Variants in CADPS2 observed in about 807,000 individuals in gnomAD.
CADPS2 encodes the protein calcium-dependent secretion activator 2.
In CADPS2, 93 loss-of-function variants were observed where a neutral mutation model predicts 172.5. The observed-to-expected ratio is 0.54, with a 90% confidence interval of 0.46 to 0.64. The LOEUF (loss-of-function observed/expected upper bound fraction) is 0.64. Ranked by LOEUF, CADPS2 falls within the 30% of genes least tolerant of loss-of-function variation. The probability of loss-of-function intolerance (pLI) is 0.00; values close to 1 mark genes in which losing one functional copy is unlikely to be tolerated. For synonymous variants in CADPS2, 546 were observed against 555.2 expected (o/e 0.98, Z 0.23); for missense variants, 1,420 against 1,565.9 (o/e 0.91, Z 1.57).
At chr7:122,706,892 C>G (rs975238950) in intron 2 of CADPS2, among the ~76,000 whole-genome samples, 3 of 150,362 alleles carry the variant, frequency 2.0e-5, no homozygotes, top group African/African-American at 7.3e-5. Flanking sequence ...GTCTCTTTGG[C>G]TAGAATTGCT....
Position 122,416,137 on chromosome 7 carries a change from C to T in CADPS2, c.2504G>A (p.Arg835Lys). The T allele has an allele frequency of 6.5e-7, 1 of 1,550,144 alleles. No individual in the cohort carries two copies. Among genetic ancestry groups the T allele is most frequent in the Non-Finnish European group, 8.8e-7 (1 of 1,142,724 alleles). The change falls in exon 18 of 30, where the codon AGA (arginine) becomes AAA (lysine). Residue 835 changes from arginine to lysine, a missense_variant. By Grantham distance (26) the Arg-to-Lys change is conservative. Transcript: ENST00000449022. ...EETMNQASPA[R>K]KLEEILHLAE... ...CAGATGAAGAATCTCTTCCAGCTTT[C>T]TAGCAGGAGATGCCTGGTTCATGGT...
intron 25 of CADPS2, among the ~76,000 whole-genome samples, chr7:122,369,283 A>G (rs2041446710): frequency 6.6e-6 from 1 of 151,302 alleles, no homozygotes; most frequent in African/African-American, 2.4e-5. Flanking sequence ...TGTGCCCGCC[A>G]CCATGCCCGG....
At chr7:122,646,832 A>G (rs1410284346) in intron 3 of CADPS2, among the ~76,000 whole-genome samples, 1 of 152,156 alleles carries the variant, frequency 6.6e-6, no homozygotes, top group Non-Finnish European at 1.5e-5. Flanking sequence ...AGTAGGTAAG[A>G]GATTACTGTC....
intron 8 of CADPS2, among the ~76,000 whole-genome samples, chr7:122,548,056 T>C (rs1006946222): frequency 1.3e-5 from 2 of 152,088 alleles, no homozygotes; most frequent in Non-Finnish European, 2.9e-5. Context: ...CTGTTTAGGT[T>C]TATCAATCCC....
chr7:122,338,374 A>G (rs2036225039), intron 28 of CADPS2, among the ~76,000 whole-genome samples: 1 of 152,202 alleles, frequency 6.6e-6, no homozygotes, highest in African/African-American at 2.4e-5. Flanking sequence ...AGCTTGGGCT[A>G]CAGAGTGAGA....
At chr7:122,823,259 C>A (rs529681955) in intron 1 of CADPS2, among the ~76,000 whole-genome samples, 1 of 152,296 alleles carries the variant, frequency 6.6e-6, no homozygotes, top group East Asian at 1.9e-4. Flanking sequence ...CTCAATTGCA[C>A]AATGCCATTC....
At chr7:122,516,203 G>A (rs2060363462) in intron 8 of CADPS2, among the ~76,000 whole-genome samples, 1 of 152,048 alleles carries the variant, frequency 6.6e-6, no homozygotes, top group Non-Finnish European at 1.5e-5. Flanking sequence ...TATTTCACTG[G>A]TATGAAAGCA....
intron 18 of CADPS2, among the ~76,000 whole-genome samples, chr7:122,414,622 A>T (rs773587814): frequency 2.6e-5 from 4 of 152,218 alleles, no homozygotes; most frequent in Non-Finnish European, 4.4e-5. Flanking sequence ...TAAAATATCC[A>T]TAACAAGTTC....
chr7:122,604,678 G>T (rs1044055159), intron 6 of CADPS2, among the ~76,000 whole-genome samples: 5 of 152,034 alleles, frequency 3.3e-5, no homozygotes, highest in African/African-American at 7.2e-5. Flanking sequence ...CAATAATTCT[G>T]AAAAATTTAC....
chr7:122,351,489 T>G (rs1018583899), intron 27 of CADPS2, among the ~76,000 whole-genome samples: 1 of 151,620 alleles, frequency 6.6e-6, no homozygotes, highest in African/African-American at 2.4e-5. Flanking sequence ...TATTAATTAT[T>G]ATATGTTTAG....
chr7:122,599,318 G>C (rs754832282), intron 6 of CADPS2, among the ~76,000 whole-genome samples: 2 of 152,038 alleles, frequency 1.3e-5, no homozygotes, highest in Non-Finnish European at 2.9e-5. Flanking sequence ...AAACCAGAGA[G>C]AGGCTCCTGA....
intron 14 of CADPS2, among the ~76,000 whole-genome samples, chr7:122,463,375 A>G (rs911481849): frequency 2.0e-5 from 3 of 151,772 alleles, no homozygotes; most frequent in African/African-American, 7.3e-5. Context: ...GCTGGAGTGC[A>G]ATGGCATGAT....
chr7:122,793,295 T>C (rs1407929798), intron 1 of CADPS2, among the ~76,000 whole-genome samples: 4 of 152,236 alleles, frequency 2.6e-5, no homozygotes, highest in South Asian at 2.1e-4. Context: ...ACTTGCTTTA[T>C]GAATCTGGGT....
chr7:122,438,550 T>C, intron 16 of CADPS2, 86 bp from the exon 17 acceptor site: 3 of 1,441,336 alleles, frequency 2.1e-6, no homozygotes, highest in Non-Finnish European at 2.9e-6. Flanking sequence ...ATAAAATAAA[T>C]ACTAAAGACA....
intron 2 of CADPS2, among the ~76,000 whole-genome samples, chr7:122,701,341 C>CA (rs1175919989): frequency 2.0e-5 from 3 of 151,520 alleles, no homozygotes; most frequent in African/African-American, 2.4e-5. Context: ...ATCGCAAGGA[C>CA]AAAAAACCAA....
chr7:122,444,584 C>T (rs2051883115), intron 15 of CADPS2, among the ~76,000 whole-genome samples: 1 of 152,088 alleles, frequency 6.6e-6, no homozygotes, highest in South Asian at 2.1e-4. Flanking sequence ...GAGCATCTTT[C>T]CATATGCCTT....
intron 1 of CADPS2, among the ~76,000 whole-genome samples, chr7:122,744,545 G>C (rs1263510360): frequency 6.6e-6 from 1 of 152,154 alleles, no homozygotes; most frequent in Non-Finnish European, 1.5e-5. Context: ...CCAGCGAACA[G>C]TGAACACCTA....
intron 6 of CADPS2, among the ~76,000 whole-genome samples, chr7:122,586,723 T>C (rs554179835): frequency 2.0e-5 from 3 of 152,124 alleles, no homozygotes; most frequent in East Asian, 1.9e-4. Context: ...ATCTTAAACT[T>C]TTTTCTTCAT....
intron 1 of CADPS2, among the ~76,000 whole-genome samples, chr7:122,811,575 C>A (rs1331392890): frequency 2.0e-5 from 3 of 152,062 alleles, no homozygotes; most frequent in African/African-American, 7.2e-5. Flanking sequence ...AGATAATATA[C>A]CTGCCAGCAG....
Sources: allele counts gnomAD v4.1 joint callset (sites outside exome capture counted in the v4.1 genomes callset), GRCh38; gene constraint gnomAD v4.1.1; transcripts MANE v1.5; gene names NCBI Gene and HGNC (gene_info 2026-07-23, HGNC 2026-07-21).